Variants in AGBL1 observed in about 807,000 individuals in gnomAD.
The protein encoded by AGBL1 is cytosolic carboxypeptidase 4.
AGBL1 carries 130 observed loss-of-function variants against 118.9 expected under a neutral mutation model. That is an observed-to-expected ratio of 1.09 (90% CI 0.95 to 1.26). The LOEUF (loss-of-function observed/expected upper bound fraction) is 1.26, where lower values mean the gene tolerates loss of function less well. Among genes scored for constraint, AGBL1 ranks in the 50% most tolerant of loss-of-function variants. The pLI is 0.00. For missense variants in AGBL1, 1,584 were observed against 1,298.1 expected (o/e 1.22, Z -3.38); for synonymous variants, 555 against 478.9 (o/e 1.16, Z -2.08).
At chr15:86,103,627 T>A (rs1185744244) in intron 1 of AGBL1, among the ~76,000 whole-genome samples, 1 of 152,190 alleles carries the variant, frequency 6.6e-6, no homozygotes, top group Non-Finnish European at 1.5e-5. Context: ...ACAGTGTTAG[T>A]GGTGTCTGTG....
intron 22 of AGBL1, among the ~76,000 whole-genome samples, chr15:86,712,761 T>C (rs767751745): frequency 2.6e-5 from 4 of 152,168 alleles, no homozygotes; most frequent in Non-Finnish European, 5.9e-5. Context: ...CCGGACTCAT[T>C]AAGTAACAAA....
intron 22 of AGBL1, among the ~76,000 whole-genome samples, chr15:86,715,854 C>A (rs181713673): frequency 2.0e-5 from 3 of 151,842 alleles, no homozygotes; most frequent in Admixed American, 6.6e-5. Context: ...GTCAGGAGAT[C>A]GAGACCATCC....
chr15:86,712,181 A>C (rs111645460), intron 22 of AGBL1, among the ~76,000 whole-genome samples: 7 of 152,304 alleles, frequency 4.6e-5, no homozygotes, highest in African/African-American at 1.7e-4. Context: ...AATATTGTTA[A>C]AATTTTCAGT....
rs541345691 is a variant in AGBL1 at position 86,856,643 on chromosome 15, A to G, written c.3159-50444A>G. 1.1e-3 allele frequency among the ~76,000 whole-genome samples: 175 copies of G among 152,352 alleles called. 2 individuals are homozygous for G. The highest frequency in any genetic ancestry group is 3.9e-3 in the African/African-American group (162 of 41,586). On this transcript the variant is annotated intron_variant, in intron 22 of 22. Transcript: ENST00000614907. ...GCACTGTGTGTGCATTGTCCTTCAC[A>G]GCAAAGCACAGTATAGCCACCATTA...
At chr15:86,974,709 A>C (rs1440716665) in intron 23 of AGBL1, among the ~76,000 whole-genome samples, 1 of 150,960 alleles carries the variant, frequency 6.6e-6, no homozygotes, top group Non-Finnish European at 1.5e-5. Flanking sequence ...ATCAGAACAG[A>C]GAGGACATGA....
At chr15:86,970,195 C>G (rs560227001) in intron 23 of AGBL1, among the ~76,000 whole-genome samples, 1 of 151,834 alleles carries the variant, frequency 6.6e-6, no homozygotes, top group Non-Finnish European at 1.5e-5. Context: ...TTCCAGCCCT[C>G]AGAACAACCC....
intron 19 of AGBL1, among the ~76,000 whole-genome samples, chr15:86,543,486 G>T (rs1420918723): frequency 6.6e-6 from 1 of 151,964 alleles, no homozygotes; most frequent in Non-Finnish European, 1.5e-5. Context: ...TTAATGTTTT[G>T]ATTCAAAGAG....
intron 22 of AGBL1, among the ~76,000 whole-genome samples, chr15:86,882,111 G>C (rs2079901585): frequency 6.6e-6 from 1 of 152,170 alleles, no homozygotes; most frequent in East Asian, 1.9e-4. Context: ...CTCTTGACCT[G>C]CAAAAATTCG....
At chr15:86,522,491 G>C (rs1403859684) in intron 18 of AGBL1, among the ~76,000 whole-genome samples, 1 of 152,242 alleles carries the variant, frequency 6.6e-6, no homozygotes, top group African/African-American at 2.4e-5. Context: ...GCATAGCCTA[G>C]AGAAATTTAT....
intron 21 of AGBL1, among the ~76,000 whole-genome samples, chr15:86,638,851 C>T (rs557424578): frequency 6.6e-6 from 1 of 152,158 alleles, no homozygotes; most frequent in South Asian, 2.1e-4. Flanking sequence ...TCAGTTGGGC[C>T]TCTGCTTTCA....
At chr15:86,455,946 C>A (rs2142077021) in intron 18 of AGBL1, among the ~76,000 whole-genome samples, 1 of 152,280 alleles carries the variant, frequency 6.6e-6, no homozygotes, top group Non-Finnish European at 1.5e-5. Context: ...ATCCATCGTT[C>A]CATCCCCACA....
chr15:87,003,390 T>C (rs905668156), intron 24 of AGBL1, among the ~76,000 whole-genome samples: 13 of 132,048 alleles, frequency 9.8e-5, no homozygotes, highest in South Asian at 3.2e-4. Context: ...CAGTATTTTA[T>C]TGAGGATTTT....
At chr15:86,739,443 CAAAAAAAAAAA>C (rs34530266) in intron 22 of AGBL1, among the ~76,000 whole-genome samples, 3 of 66,638 alleles carry the variant, frequency 4.5e-5, no homozygotes, top group African/African-American at 2.0e-4. Flanking sequence ...AACTCCATCT[CAAAAAAAAAAA>C]AAAAAAAAAA....
At chr15:86,836,846 A>G (rs1302108670) in intron 22 of AGBL1, among the ~76,000 whole-genome samples, 1 of 152,224 alleles carries the variant, frequency 6.6e-6, no homozygotes, top group East Asian at 1.9e-4. Flanking sequence ...AGATAGTAGT[A>G]GCCATTCCTG....
intron 24 of AGBL1, among the ~76,000 whole-genome samples, chr15:87,004,284 G>T (rs188672461): frequency 2.6e-5 from 4 of 152,122 alleles, no homozygotes; most frequent in Admixed American, 2.0e-4. Flanking sequence ...TTTTGACAGT[G>T]GGGTGTTAGA....
intron 11 of AGBL1, 91 bp downstream of exon 11, chr15:86,264,929 T>C: frequency 8.4e-7 from 1 of 1,190,336 alleles, no homozygotes; most frequent in Non-Finnish European, 1.1e-6. Context: ...CTACTATCTA[T>C]AGGAAAGAGA....
chr15:86,570,523 G>A (rs1279149162), intron 21 of AGBL1, among the ~76,000 whole-genome samples: 1 of 152,154 alleles, frequency 6.6e-6, no homozygotes, highest in Admixed American at 6.5e-5. Context: ...GAATTATGAT[G>A]CCACCCATTT....
At chr15:86,970,193 C>T (rs747330271) in intron 23 of AGBL1, among the ~76,000 whole-genome samples, 1 of 151,822 alleles carries the variant, frequency 6.6e-6, no homozygotes, top group Non-Finnish European at 1.5e-5. Flanking sequence ...CCTTCCAGCC[C>T]TCAGAACAAC....
intron 22 of AGBL1, among the ~76,000 whole-genome samples, chr15:86,892,555 ATC>A (rs2080066724): frequency 6.6e-6 from 1 of 152,090 alleles, no homozygotes; most frequent in Non-Finnish European, 1.5e-5. Context: ...AAACTTCTAA[ATC>A]TCTTTTTCCA....
Sources: allele counts gnomAD v4.1 joint callset (sites outside exome capture counted in the v4.1 genomes callset), GRCh38; gene constraint gnomAD v4.1.1; transcripts MANE v1.5; gene names NCBI Gene and HGNC (gene_info 2026-07-23, HGNC 2026-07-21).